The following MAB21L3 variants were observed in gnomAD, a reference collection of about 807,000 sequenced individuals.
MAB21L3 encodes the protein mab-21 like 3, also known as protein mab-21-like 3.
MAB21L3 carries 36 observed loss-of-function variants against 37.7 expected under a neutral mutation model. The observed-to-expected ratio is 0.96, with a 90% CI of 0.73 to 1.26. MAB21L3 has a LOEUF of 1.26. MAB21L3 is among the 50% of genes most tolerant of loss of function. The pLI is 0.00. For synonymous variants in MAB21L3, 186 were observed against 176.8 expected (o/e 1.05, Z -0.41); for missense variants, 430 against 447.3 (o/e 0.96, Z 0.35).
At chr1:116,127,757 C>A (rs990461200) in intron 6 of MAB21L3, 113 bp downstream of exon 6, 3 of 1,164,892 alleles carry the variant, frequency 2.6e-6, no homozygotes, top group African/African-American at 3.1e-5. Context: ...GTTACTAGAT[C>A]AGCAGTTCTC....
chr1:116,123,887 G>C, intron 4 of MAB21L3, 179 bp from the exon 5 acceptor site: 2 of 587,104 alleles, frequency 3.4e-6, no homozygotes, highest in Non-Finnish European at 6.0e-6. Flanking sequence ...TGATTCAGTA[G>C]CAGAACAAAG....
At chr1:116,123,846 A>C in intron 4 of MAB21L3, 1 of 524,526 alleles carries the variant, frequency 1.9e-6, no homozygotes, top group Non-Finnish European at 3.4e-6. Context: ...TAAACTCAGC[A>C]GGTTAATTTA....
In MAB21L3 at chr1:116,133,738, C is replaced by T. The variant is rs768173282; in HGVS notation, c.*373C>T. ...GGAAGTCTGGACATGAGCCTGCTGG[C>T]CAATACTGTGCCCAGCCCACTGATC... On this transcript the variant is annotated 3_prime_UTR_variant, in exon 8 of 8. Transcript: ENST00000369500. 4 of 318,372 alleles carry T rather than the reference C, an allele frequency of 1.3e-5. No individual in the cohort carries two copies. The highest frequency in any genetic ancestry group is 2.1e-5 in the African/African-American group (1 of 46,820). The allele number at this position is 318,372 out of a possible 1,614,324, so 19.7% of individuals were successfully genotyped here.
Position 116,120,965 on chromosome 1 carries a change from G to C in MAB21L3, c.82G>C (p.Val28Leu), listed in dbSNP as rs556639530. 4 of 1,614,214 alleles carry C rather than the reference G, an allele frequency of 2.5e-6. No homozygotes were observed. Among genetic ancestry groups the C allele is most frequent in the Non-Finnish European group, 2.5e-6 (3 of 1,180,030 alleles). The change falls in exon 4 of 8, where the codon GTG becomes CTG. Residue 28 changes from valine to leucine, a missense_variant. Val to Leu is a conservative substitution (Grantham distance 32). Coordinates refer to ENST00000369500, the MANE Select transcript of MAB21L3 (RefSeq NM_152367.3). ...GAGGCGCCAGCAGATTTCCCAGGCT[G>C]TGGAGGAGGTGCAGAAAGTCGTTCA... The part of the protein sequence containing the change: ...DLRRQQISQA[V>L]EEVQKVVHHL...
At position 116,111,495 on chromosome 1, in the gene MAB21L3, G is replaced by A. The variant is rs141144750; in HGVS notation, c.-407G>A. 6.6e-6 allele frequency among the ~76,000 whole-genome samples: 1 copy of A among 152,196 alleles called. No homozygotes were observed. The highest frequency in any genetic ancestry group is 1.5e-5 in the Non-Finnish European group (1 of 68,026). On this transcript the variant is annotated 5_prime_UTR_variant, in exon 1 of 8. The change creates a premature stop within an existing upstream ORF in the 5' untranslated region. Transcript: ENST00000369500. ...GGTGGGCTTGGAAACACTTGCCTTT[G>A]GAACATTGTTTAAAAGTAAGTAGTG...
chr1:116,126,499 G>A (rs1464734394), intron 5 of MAB21L3, among the ~76,000 whole-genome samples: 2 of 152,112 alleles, frequency 1.3e-5, no homozygotes, highest in African/African-American at 2.4e-5. Context: ...TCTGAGGCTC[G>A]GCTGGCTGAA....
Position 116,133,550 on chromosome 1 carries a change from C to A in MAB21L3, c.*185C>A. Reference sequence around the variant, plus strand: ...TGTGCCCCAGGATGTCTGGCCCAGGCCTCCCTGGAGCCCAGCAAGCATTTC... The same window carrying A: ...TGTGCCCCAGGATGTCTGGCCCAGGACTCCCTGGAGCCCAGCAAGCATTTC... On this transcript the variant is annotated 3_prime_UTR_variant, in exon 8 of 8. Transcript: ENST00000369500. The A allele has an allele frequency of 1.6e-6, 1 of 621,008 alleles. No homozygotes were observed. Among genetic ancestry groups the A allele is most frequent in the Admixed American group, 2.9e-5 (1 of 34,414 alleles). The allele number at this position is 621,008 out of a possible 1,614,324, so 38.5% of individuals were successfully genotyped here. A position where few individuals can be genotyped will look rare whatever the true frequency, so the allele number is the denominator to read the frequency against.
intron 3 of MAB21L3, among the ~76,000 whole-genome samples, chr1:116,119,062 G>C (rs1659668474): frequency 6.6e-6 from 1 of 152,222 alleles, no homozygotes; most frequent in Admixed American, 6.5e-5. Flanking sequence ...AAATGGAATT[G>C]AATCACAACA....
At chr1:116,113,894 C>T (rs1366215160) in intron 3 of MAB21L3, among the ~76,000 whole-genome samples, 1 of 152,148 alleles carries the variant, frequency 6.6e-6, no homozygotes, top group Non-Finnish European at 1.5e-5. Context: ...GTCCCCGCTG[C>T]CTCTCTCACG....
chr1:116,126,256 G>T (rs1261696899), intron 5 of MAB21L3, among the ~76,000 whole-genome samples: 1 of 152,112 alleles, frequency 6.6e-6, no homozygotes, highest in Non-Finnish European at 1.5e-5. Flanking sequence ...TGCAATGAAG[G>T]CAAACAAACA....
rs750490170 is a variant in MAB21L3, at chr1:116,133,378, C to G, written c.*13C>G. Reference sequence around the variant, plus strand: ...CGGCCCGCCCTGATGGTTGCCCCGGCCTGGGAGGCTCTTGGACATTTTATT... The same window carrying G: ...CGGCCCGCCCTGATGGTTGCCCCGGGCTGGGAGGCTCTTGGACATTTTATT... On this transcript the variant is annotated 3_prime_UTR_variant, in exon 8 of 8. Transcript: ENST00000369500. The G allele has an allele frequency of 8.1e-6, 13 of 1,606,740 alleles. No individual in the cohort carries two copies. Among genetic ancestry groups the G allele is most frequent in the Middle Eastern group, 1.6e-4 (1 of 6,076 alleles).
At position 116,127,593 on chromosome 1, in the gene MAB21L3, G is replaced by A. The variant is rs766578799; in HGVS notation, c.609G>A (p.Trp203Ter). 1.2e-6 allele frequency: 2 copies of A among 1,614,028 alleles called. No homozygotes were observed. Among genetic ancestry groups the A allele is most frequent in the African/African-American group, 1.3e-5 (1 of 74,904 alleles). Residue 203 changes from tryptophan (W) to a stop codon, truncating the protein, a stop_gained, in exon 6 of 8, where the codon TGG becomes TGA. Coordinates refer to ENST00000369500, the MANE Select transcript of MAB21L3 (RefSeq NM_152367.3). LOFTEE classifies it high-confidence loss of function. ...CCACCTGGTCCAAGAAAGCCCGGTG[G>A]CCTCGATGTCTGCAGCGCTGGCCTT... Reference protein sequence around the residue: ...IPTTWSKKARWPRCLQRWPSQ... With the variant: ...IPTTWSKKAR
chr1:116,130,695 C>CA (rs1660045774), intron 7 of MAB21L3, among the ~76,000 whole-genome samples: 1 of 152,194 alleles, frequency 6.6e-6, no homozygotes, highest in Non-Finnish European at 1.5e-5. Context: ...ACCTTCTCCC[C>CA]AAAAAGGCTC....
chr1:116,119,616 T>C (rs955056292), intron 3 of MAB21L3, among the ~76,000 whole-genome samples: 5 of 152,196 alleles, frequency 3.3e-5, no homozygotes, highest in African/African-American at 9.7e-5. Context: ...CAGATATTGC[T>C]TGAAACTGGC....
Position 116,121,060 on chromosome 1 carries a change from T to C in MAB21L3, c.177T>C (p.Asn59=). 1 of 1,613,488 alleles carries C rather than the reference T, an allele frequency of 6.2e-7. No homozygotes were observed. The highest frequency in any genetic ancestry group is 8.5e-7 in the Non-Finnish European group (1 of 1,179,740). Reference sequence around the variant, plus strand: ...CTGTGCCTTACTCTGACACGTACAATGAAAATATTAAGGTAAGCAAGTCTT... The same window carrying C: ...CTGTGCCTTACTCTGACACGTACAACGAAAATATTAAGGTAAGCAAGTCTT... The part of the protein sequence containing the change: ...FQAVPYSDTY[N]ENIKVLAPSQ... Residue 59 remains asparagine, a synonymous_variant, in exon 4 of 8, where the codon AAT becomes AAC. Transcript: ENST00000369500.
At chr1:116,133,078 C>A in intron 7 of MAB21L3, 54 bp from the exon 8 acceptor site, 1 of 1,429,178 alleles carries the variant, frequency 7.0e-7, no homozygotes, top group Non-Finnish European at 9.8e-7. Context: ...TGTTTCCAAG[C>A]TATCCTCCTC....
Position 116,124,653 on chromosome 1 carries a change from G to A in MAB21L3, c.481+296G>A, listed in dbSNP as rs1030530227. 3.9e-5 allele frequency among the ~76,000 whole-genome samples: 6 copies of A among 152,082 alleles called. No homozygotes were observed. The East Asian group carries it at 5.8e-4, about 15-fold the overall frequency. ...CTTAACCAGGCTTAAAAACTTAAGC[G>A]TATTGTTTTTTAAAAAAGCAAATTA... On this transcript the variant is annotated intron_variant, in intron 5 of 7. Coordinates refer to ENST00000369500, the MANE Select transcript of MAB21L3 (RefSeq NM_152367.3).
Position 116,111,486 on chromosome 1 carries a change from C to T in MAB21L3, c.-416C>T, listed in dbSNP as rs2101605520. Among the ~76,000 whole-genome samples, 1 of 152,288 alleles carries T rather than the reference C, an allele frequency of 6.6e-6. No individual in the cohort carries two copies. The highest frequency in any genetic ancestry group is 2.1e-4 in the South Asian group (1 of 4,822). ...GCACTTACAGGTGGGCTTGGAAACA[C>T]TTGCCTTTGGAACATTGTTTAAAAG... On this transcript the variant is annotated 5_prime_UTR_variant, in exon 1 of 8. Coordinates refer to ENST00000369500, the MANE Select transcript of MAB21L3 (RefSeq NM_152367.3).
chr1:116,121,935 A>C (rs749786792), intron 4 of MAB21L3, among the ~76,000 whole-genome samples: 30 of 152,210 alleles, frequency 2.0e-4, no homozygotes, highest in Non-Finnish European at 3.4e-4. Context: ...TTATTATGCC[A>C]CCTACCTCTT....
Sources: allele counts gnomAD v4.1 joint callset (sites outside exome capture counted in the v4.1 genomes callset), GRCh38; gene constraint gnomAD v4.1.1; transcripts MANE v1.5; gene names NCBI Gene and HGNC (gene_info 2026-07-23, HGNC 2026-07-21).